Variants in PLAGL1 observed in about 807,000 individuals in gnomAD.
The protein encoded by PLAGL1 is PLAG1 like zinc finger 1, also known as zinc finger protein PLAGL1.
PLAGL1 carries 1 observed loss-of-function variant against 4.6 expected under a neutral mutation model. The observed-to-expected ratio is 0.22, with a 90% CI of 0.08 to 1.03. PLAGL1 has a LOEUF of 1.03. Among genes scored for constraint, PLAGL1 ranks in the 50% least tolerant of loss-of-function variants. The probability of loss-of-function intolerance (pLI) is 0.58; values close to 1 mark genes in which losing one functional copy is unlikely to be tolerated. For missense variants in PLAGL1, 464 were observed against 570.4 expected, an observed-to-expected ratio of 0.81 and a Z score of 1.90; for synonymous variants, 240 against 237.8, an observed-to-expected ratio of 1.01 and a Z score of -0.08.
At position 143,966,133 on chromosome 6, in the gene PLAGL1, A is replaced by G. The variant is rs546803928; in HGVS notation, c.-431+25T>C. 3.6e-4 allele frequency: 55 copies of G among 152,276 alleles called. No homozygotes were observed. Among genetic ancestry groups the G allele is most frequent in the African/African-American group, 1.3e-3 (55 of 41,548 alleles). 9.4% of individuals were successfully genotyped at this position (152,276 alleles called of 1,614,324 possible). ...CTGCTGCCAGGCTGATTCTTCTAAC[A>G]TGCAAATATGTTCCTGTCACTTGCC... On this transcript the variant is annotated intron_variant, in intron 4 of 7. Transcript: ENST00000674357. This position sits in a 1 kb window ranked among gnomAD's most constrained non-coding sequence, Gnocchi z 6.0.
intron 1 of PLAGL1, among the ~76,000 whole-genome samples, chr6:144,051,261 C>G (rs376267431): frequency 1.1e-4 from 17 of 152,298 alleles, no homozygotes; most frequent in Non-Finnish European, 2.1e-4. Flanking sequence ...GTGCAGGACA[C>G]AGGGAAACCA....
intron 1 of PLAGL1, among the ~76,000 whole-genome samples, chr6:144,040,695 G>A (rs1384693722): frequency 6.6e-6 from 1 of 152,040 alleles, no homozygotes; most frequent in Non-Finnish European, 1.5e-5. Context: ...TGGCCAACAT[G>A]GCAAAACCTG....
Position 143,994,016 on chromosome 6 carries a change from T to A in PLAGL1, c.-583-8842A>T, listed in dbSNP as rs1489629483. Among the ~76,000 whole-genome samples the A allele has an allele frequency of 6.6e-6, 1 of 150,572 alleles. No individual in the cohort carries two copies. The highest frequency in any genetic ancestry group is 1.5e-5 in the Non-Finnish European group (1 of 67,718). Reference sequence around the variant, plus strand: ...TTCCCAACTAGGGCAAATTCTCAAATGTTCACTTCATATATGGCTAAGGAA... The same window carrying A: ...TTCCCAACTAGGGCAAATTCTCAAAAGTTCACTTCATATATGGCTAAGGAA... On this transcript the variant is annotated intron_variant, in intron 1 of 7. Coordinates refer to ENST00000674357, the MANE Select transcript of PLAGL1 (RefSeq NM_001317162.2). This position sits in a 1 kb window ranked among gnomAD's most constrained non-coding sequence, Gnocchi z 4.3.
At chr6:144,054,676 G>A (rs1583902980) in intron 1 of PLAGL1, among the ~76,000 whole-genome samples, 1 of 145,242 alleles carries the variant, frequency 6.9e-6, no homozygotes, top group South Asian at 2.1e-4. Context: ...ATGACGGGTT[G>A]ATAGTGCAGC....
At chr6:143,991,553 G>A (rs1222906772) in intron 1 of PLAGL1, among the ~76,000 whole-genome samples, 2 of 152,110 alleles carry the variant, frequency 1.3e-5, no homozygotes, top group Non-Finnish European at 2.9e-5. Context: ...CATTGCACTC[G>A]CTCAGCACTG....
At position 144,049,255 on chromosome 6, in the gene PLAGL1, C is replaced by T. The variant is rs142689601; in HGVS notation, c.-151+15213G>A. Among the ~76,000 whole-genome samples the T allele has an allele frequency of 6.4e-4, 97 of 152,336 alleles. No homozygotes were observed. The East Asian group carries it at 0.016, about 25-fold the overall frequency. ...CAACAAGTCTCTAGAAAGTTCCAAA[C>T]TTTCCCACAACTTCCTGTCCTCTTC... On this transcript the variant is annotated intron_variant, in intron 1 of 3. Transcript: ENST00000437412.
intron 1 of PLAGL1, among the ~76,000 whole-genome samples, chr6:144,017,293 T>C (rs993844028): frequency 5.3e-5 from 8 of 152,198 alleles, no homozygotes; most frequent in African/African-American, 1.9e-4. Context: ...CTCCTTTTTT[T>C]GAAACTGTAA....
chr6:144,057,225 T>G (rs1799039681), intron 1 of PLAGL1, among the ~76,000 whole-genome samples: 1 of 152,244 alleles, frequency 6.6e-6, no homozygotes, highest in Admixed American at 6.5e-5. Flanking sequence ...TCACTTTTAC[T>G]AAAGAGAAGA....
Position 143,989,075 on chromosome 6 carries a change from T to C in PLAGL1, c.-583-3901A>G, listed in dbSNP as rs886570226. ...TTCAGAGTAGACCACTCAAAACCTA[T>C]GCACTTTTGTAATCACAGCGCTAAC... On this transcript the variant is annotated intron_variant, in intron 1 of 7. Transcript: ENST00000674357. The surrounding 1 kb of genome is among the most constrained non-coding windows in gnomAD (Gnocchi z 4.8). Among the ~76,000 whole-genome samples the C allele has an allele frequency of 1.3e-5, 2 of 152,200 alleles. No individual in the cohort carries two copies. Among genetic ancestry groups the C allele is most frequent in the Admixed American group, 1.3e-4 (2 of 15,284 alleles).
At position 144,053,436 on chromosome 6, in the gene PLAGL1, A is replaced by G. The variant is rs1193055174; in HGVS notation, c.-151+11032T>C. Among the ~76,000 whole-genome samples the G allele has an allele frequency of 5.3e-5, 8 of 152,206 alleles. No homozygotes were observed. Among genetic ancestry groups the G allele is most frequent in the Non-Finnish European group, 7.3e-5 (5 of 68,028 alleles). ...GGCGTGAGCCACCACACCCGGCCTA[A>G]TTAGTCATTAATTCTTGAGTAGTTC... On this transcript the variant is annotated intron_variant, in intron 1 of 3. Transcript: ENST00000437412. This position sits in a 1 kb window ranked among gnomAD's most constrained non-coding sequence, Gnocchi z 4.0.
chr6:144,003,377 C>T (rs1370043535), intron 1 of PLAGL1, among the ~76,000 whole-genome samples: 2 of 152,180 alleles, frequency 1.3e-5, no homozygotes, highest in Admixed American at 6.5e-5. Flanking sequence ...GTAATCCCAG[C>T]ACTTTGGGAG....
intron 1 of PLAGL1, among the ~76,000 whole-genome samples, chr6:144,047,288 T>G (rs1798237764): frequency 6.6e-6 from 1 of 152,312 alleles, no homozygotes; most frequent in Non-Finnish European, 1.5e-5. Context: ...TCGATCACAC[T>G]GGGAGCTGCA....
Position 144,000,438 on chromosome 6 carries a change from A to G in PLAGL1, c.-584+7652T>C, listed in dbSNP as rs1448781076. On this transcript the variant is annotated intron_variant, in intron 1 of 7. Transcript: ENST00000674357. The surrounding 1 kb of genome is among the most constrained non-coding windows in gnomAD (Gnocchi z 4.1). ...ACTAAGAGAAACTATTCACAGTAGC[A>G]ACAAAAATCATCAGGATCTAGAAAT... Among the ~76,000 whole-genome samples the G allele has an allele frequency of 6.6e-6, 1 of 152,178 alleles. No homozygotes were observed. Among genetic ancestry groups the G allele is most frequent in the Non-Finnish European group, 1.5e-5 (1 of 67,990 alleles).
intron 1 of PLAGL1, among the ~76,000 whole-genome samples, chr6:144,046,058 CTGTT>C (rs1179978893): frequency 1.3e-5 from 2 of 152,186 alleles, no homozygotes; most frequent in East Asian, 1.9e-4. Flanking sequence ...CTTCTCTACA[CTGTT>C]TGTTCTAGTG....
chr6:144,040,084 G>A (rs1334843282), intron 1 of PLAGL1, among the ~76,000 whole-genome samples: 2 of 152,094 alleles, frequency 1.3e-5, no homozygotes, highest in Non-Finnish European at 2.9e-5. Context: ...ATACTGCACA[G>A]TGATAACATT....
In PLAGL1 at chr6:143,982,316, T is replaced by C. The variant is rs1388485468; in HGVS notation, c.-544+2819A>G. On this transcript the variant is annotated intron_variant, in intron 2 of 7. Coordinates refer to ENST00000674357, the MANE Select transcript of PLAGL1 (RefSeq NM_001317162.2). This position sits in a 1 kb window ranked among gnomAD's most constrained non-coding sequence, Gnocchi z 5.3. ...GAGGTAAGGATGTAAGTCATGTGGC[T>C]ATTTCTGGGTACAATAATTGCAAAA... Among the ~76,000 whole-genome samples the C allele has an allele frequency of 3.3e-5, 5 of 152,182 alleles. No homozygotes were observed. The highest frequency in any genetic ancestry group is 1.2e-4 in the African/African-American group (5 of 41,452).
Position 143,960,074 on chromosome 6 carries a change from CAA to C in PLAGL1, c.-325+393_-325+394del, listed in dbSNP as rs1438404681. Among the ~76,000 whole-genome samples the C allele has an allele frequency of 2.0e-5, 3 of 152,332 alleles. No individual in the cohort carries two copies. The East Asian group carries it at 5.8e-4, about 29-fold the overall frequency. ...CTTATCTTTCAGTCGACATCTGCCA[CAA>C]AGACAGGACAACCTCTTACACATCT... On this transcript the variant is annotated intron_variant, in intron 6 of 7. Coordinates refer to ENST00000674357, the MANE Select transcript of PLAGL1 (RefSeq NM_001317162.2). The surrounding 1 kb of genome is among the most constrained non-coding windows in gnomAD (Gnocchi z 5.7).
intron 1 of PLAGL1, among the ~76,000 whole-genome samples, chr6:144,044,997 CT>C (rs1275254123): frequency 4.4e-5 from 1 of 22,874 alleles, no homozygotes; most frequent in African/African-American, 2.4e-4. Context: ...ATTGCAACCC[CT>C]GCTTTTTTTT....
In PLAGL1 at chr6:144,020,577, C is replaced by T. The variant is rs567430212; in HGVS notation, c.-151+43891G>A. Among the ~76,000 whole-genome samples, 485 of 151,814 alleles carry T rather than the reference C, an allele frequency of 3.2e-3. 1 individual carries two copies. Among genetic ancestry groups the T allele is most frequent in the Middle Eastern group, 0.01 (3 of 294 alleles). The stretch of plus-strand genomic sequence containing the variant: ...CTGGGATTACAGGCATGAGCCACCA[C>T]GCCCGGCCCTTTGTTTGTTTTTAAT... On this transcript the variant is annotated intron_variant, in intron 1 of 3. Coordinates refer to the PLAGL1 transcript ENST00000437412.
Sources: gnomAD v4.1 joint callset for allele counts (sites outside exome capture counted in the v4.1 genomes callset) on GRCh38, gnomAD v4.1.1 for gene constraint, Gnocchi (gnomAD v3.1) non-coding constraint, MANE v1.5 for transcripts, NCBI Gene and HGNC (gene_info 2026-07-23, HGNC 2026-07-21) for gene names.